Variants in NAV2 observed in about 807,000 individuals in gnomAD.
NAV2 encodes helicase, APC down-regulated 1.
Under a neutral mutation model 223.2 loss-of-function variants are expected in NAV2, and 54 were observed. That is an observed-to-expected ratio of 0.24 (90% CI 0.19 to 0.30). The LOEUF is 0.30. Among genes scored for constraint, NAV2 ranks in the 10% least tolerant of loss-of-function variants. NAV2 has a pLI of 1.00. For synonymous variants in NAV2, 1,279 were observed against 1,239.3 expected, an observed-to-expected ratio of 1.03 and a Z score of -0.67; for missense variants, 2,806 against 3,147.5, an observed-to-expected ratio of 0.89 and a Z score of 2.60.
chr11:19,704,993 A>T (rs1408864330), intron 1 of NAV2, among the ~76,000 whole-genome samples: 1 of 148,752 alleles, frequency 6.7e-6, no homozygotes, highest in African/African-American at 2.5e-5. Context: ...CCTGGGCGAC[A>T]GAGTGAGACT....
chr11:19,534,188 G>A (rs1479076211), intron 1 of NAV2, among the ~76,000 whole-genome samples: 1 of 152,166 alleles, frequency 6.6e-6, no homozygotes, highest in East Asian at 1.9e-4. Context: ...CTTAGTGCCT[G>A]CAGAGTGTTG....
chr11:19,934,585 A>T (rs11025328), intron 7 of NAV2, among the ~76,000 whole-genome samples: 1 of 151,968 alleles, frequency 6.6e-6, no homozygotes, highest in Non-Finnish European at 1.5e-5. Flanking sequence ...AGCAGAAAGC[A>T]TGAAGGCCTA....
chr11:19,803,877 G>A (rs759428670), intron 1 of NAV2, among the ~76,000 whole-genome samples: 1 of 152,232 alleles, frequency 6.6e-6, no homozygotes, highest in African/African-American at 2.4e-5. Flanking sequence ...CCCCATCTGT[G>A]GCTTATCGAA....
intron 1 of NAV2, among the ~76,000 whole-genome samples, chr11:19,476,429 C>G (rs963904724): frequency 8.5e-5 from 13 of 152,068 alleles, no homozygotes; most frequent in Admixed American, 5.9e-4. Flanking sequence ...TATTGCCAAC[C>G]ACTGGGCTAC....
chr11:19,831,567 A>G (rs1019233252), intron 1 of NAV2, among the ~76,000 whole-genome samples: 1 of 152,160 alleles, frequency 6.6e-6, no homozygotes, highest in African/African-American at 2.4e-5. Flanking sequence ...GCAAACTCAC[A>G]AGTCCATGCA....
Position 19,791,769 on chromosome 11 carries a change from G to A in NAV2, c.268-40715G>A, listed in dbSNP as rs567487899. Reference sequence around the variant, plus strand: ...CAGGAGAGGAAGGCAGCAAGGTGTGGGGAAAGCATAGGACTTATTCAAATT... The same window carrying A: ...CAGGAGAGGAAGGCAGCAAGGTGTGAGGAAAGCATAGGACTTATTCAAATT... On this transcript the variant is annotated intron_variant, in intron 1 of 37. Transcript: ENST00000349880. Among the ~76,000 whole-genome samples, 173 of 152,284 alleles carry A rather than the reference G, an allele frequency of 1.1e-3. 2 individuals are homozygous for A. Among genetic ancestry groups the A allele is most frequent in the African/African-American group, 4.0e-3 (168 of 41,546 alleles).
intron 26 of NAV2, among the ~76,000 whole-genome samples, chr11:20,085,548 A>G (rs2060381457): frequency 6.6e-6 from 1 of 152,226 alleles, no homozygotes; most frequent in South Asian, 2.1e-4. Context: ...CTGAATCTGC[A>G]TGCCAGGGGG....
At position 19,836,974 on chromosome 11, in the gene NAV2, T is replaced by A. The variant is rs567537534; in HGVS notation, c.385+4373T>A. Among the ~76,000 whole-genome samples, 60 of 152,300 alleles carry A rather than the reference T, an allele frequency of 3.9e-4. No homozygotes were observed. In the East Asian group the frequency reaches 4.2e-3, roughly 11 times the overall value. ...CCTGTTCATGAGATCTTTACCCTCATGACCTAATTATCTCCCAAAGGCCCC... is the reference window on the plus strand; with the variant it reads ...CCTGTTCATGAGATCTTTACCCTCAAGACCTAATTATCTCCCAAAGGCCCC... On this transcript the variant is annotated intron_variant, in intron 2 of 37. Transcript: ENST00000349880.
intron 1 of NAV2, among the ~76,000 whole-genome samples, chr11:19,817,504 G>A (rs1307817558): frequency 1.3e-5 from 2 of 152,192 alleles, no homozygotes; most frequent in Admixed American, 6.5e-5. Context: ...CACCTGGAGC[G>A]GGGCTTTTGG....
At chr11:19,874,306 A>G (rs1591007116) in intron 4 of NAV2, among the ~76,000 whole-genome samples, 2 of 152,220 alleles carry the variant, frequency 1.3e-5, no homozygotes, top group East Asian at 3.8e-4. Flanking sequence ...AATATGGCCC[A>G]TGCAATTTGC....
chr11:19,603,631 C>CAAAAAAAAA (rs1222524445), intron 1 of NAV2, among the ~76,000 whole-genome samples: 22 of 57,708 alleles, frequency 3.8e-4, no homozygotes, highest in African/African-American at 8.7e-4. Context: ...GACTCCATCT[C>CAAAAAAAAA]AAAAAAAAAA....
chr11:19,884,693 A>G (rs1280965430), intron 5 of NAV2, among the ~76,000 whole-genome samples: 1 of 152,090 alleles, frequency 6.6e-6, no homozygotes, highest in Non-Finnish European at 1.5e-5. Context: ...CATAGTTTTT[A>G]TAGTGGTTTT....
At chr11:19,952,148 A>G (rs1182076139) in intron 10 of NAV2, among the ~76,000 whole-genome samples, 5 of 152,214 alleles carry the variant, frequency 3.3e-5, no homozygotes, top group Non-Finnish European at 4.4e-5. Context: ...TATTCTTCCT[A>G]TAAACTGGCA....
chr11:19,351,802 TAAAAAAAAAA>T (rs56030401), intron 1 of NAV2, among the ~76,000 whole-genome samples: 12 of 114,674 alleles, frequency 1.0e-4, no homozygotes, highest in Non-Finnish European at 5.2e-5. Flanking sequence ...TTGTGTATGG[TAAAAAAAAAA>T]AAAAAAAAAA....
intron 1 of NAV2, among the ~76,000 whole-genome samples, chr11:19,669,232 T>C (rs1590063871): frequency 6.6e-6 from 1 of 152,224 alleles, no homozygotes; most frequent in Non-Finnish European, 1.5e-5. Context: ...CCCCACAGGC[T>C]CCAGCCATGT....
intron 1 of NAV2, among the ~76,000 whole-genome samples, chr11:19,541,041 C>A (rs570077197): frequency 6.6e-6 from 1 of 152,334 alleles, no homozygotes; most frequent in East Asian, 1.9e-4. Context: ...TAACTTGGTA[C>A]TTCTCAAGTA....
At chr11:19,901,236 C>T (rs901074665) in intron 6 of NAV2, among the ~76,000 whole-genome samples, 4 of 152,186 alleles carry the variant, frequency 2.6e-5, no homozygotes, top group Non-Finnish European at 5.9e-5. Flanking sequence ...AGCAGGACTT[C>T]TTGGTTACCT....
chr11:19,559,722 G>A (rs922381638), intron 1 of NAV2, among the ~76,000 whole-genome samples: 1 of 152,180 alleles, frequency 6.6e-6, no homozygotes, highest in African/African-American at 2.4e-5. Flanking sequence ...ATTCTCATCT[G>A]TGCAGTAAGG....
chr11:19,854,943 G>A (rs2061337643), intron 3 of NAV2, among the ~76,000 whole-genome samples: 2 of 152,142 alleles, frequency 1.3e-5, no homozygotes, highest in African/African-American at 4.8e-5. Context: ...TTTCTCCCCA[G>A]CTCTGGCAAA....
Sources: allele counts gnomAD v4.1 joint callset (sites outside exome capture counted in the v4.1 genomes callset), GRCh38; gene constraint gnomAD v4.1.1; transcripts MANE v1.5; gene names NCBI Gene and HGNC (gene_info 2026-07-23, HGNC 2026-07-21).